Variants in MYO16 observed in about 807,000 individuals in gnomAD.
MYO16 encodes the protein unconventional myosin-XVI.
A neutral mutation model predicts 205.3 loss-of-function variants in MYO16; 94 were observed. The ratio of observed to expected loss-of-function variants is 0.46; its 90% CI spans 0.39 to 0.54. The LOEUF is 0.54. Ranked by LOEUF, MYO16 falls within the 20% of genes least tolerant of loss-of-function variation. MYO16 has a pLI of 0.00. For synonymous variants in MYO16, 988 were observed against 954.0 expected, an observed-to-expected ratio of 1.04 and a Z score of -0.66; for missense variants, 2,315 against 2,387.5, an observed-to-expected ratio of 0.97 and a Z score of 0.63.
intron 16 of MYO16, among the ~76,000 whole-genome samples, chr13:108,911,066 C>CACACACACACAGAGAG (rs59417999): frequency 2.1e-5 from 3 of 143,022 alleles, no homozygotes; most frequent in African/African-American, 5.3e-5. Flanking sequence ...CACACACACA[C>CACACACACACAGAGAG]AGAGAGAGAG....
intron 4 of MYO16, among the ~76,000 whole-genome samples, chr13:108,777,136 C>T (rs1330612301): frequency 6.6e-6 from 1 of 151,984 alleles, no homozygotes; most frequent in African/African-American, 2.4e-5. Context: ...GGCATAAAAC[C>T]CTTAAGAATT....
At chr13:108,995,752 C>T (rs1884981379) in intron 21 of MYO16, among the ~76,000 whole-genome samples, 1 of 152,122 alleles carries the variant, frequency 6.6e-6, no homozygotes, top group African/African-American at 2.4e-5. Flanking sequence ...ATCCATGTCC[C>T]TACAAAGGAC....
At chr13:108,760,575 C>T (rs140652614) in intron 4 of MYO16, among the ~76,000 whole-genome samples, 2 of 152,032 alleles carry the variant, frequency 1.3e-5, no homozygotes, top group Admixed American at 1.3e-4. Context: ...TCATTTCCAC[C>T]TGACATATAA....
chr13:109,187,478 T>C (rs1363335419), intron 34 of MYO16, among the ~76,000 whole-genome samples: 3 of 152,230 alleles, frequency 2.0e-5, no homozygotes, highest in Admixed American at 2.0e-4. Context: ...TTGAAGTGTT[T>C]CTTTTCTTCC....
At chr13:108,549,235 T>C in the MYO16 span, among the ~76,000 whole-genome samples, 2 of 152,348 alleles carry the variant, frequency 1.3e-5, no homozygotes, top group East Asian at 3.9e-4. Flanking sequence ...TTGGGTCATC[T>C]GGGTGATCCC....
intron 16 of MYO16, among the ~76,000 whole-genome samples, chr13:108,939,207 A>G (rs1882618770): frequency 6.6e-6 from 1 of 152,144 alleles, no homozygotes. Context: ...GGTCTGGGGA[A>G]TGTCTGAGTT....
At chr13:109,069,592 G>C (rs2391731) in intron 27 of MYO16, among the ~76,000 whole-genome samples, 151,960 of 152,080 alleles carry the variant, frequency 1, 75,920 homozygotes, top group Non-Finnish European at 1. Flanking sequence ...TTGTAGAGGG[G>C]CTCTACACTG....
Position 108,909,995 on chromosome 13 carries a change from C to T in MYO16, c.1778-8C>T, listed in dbSNP as rs1405045171. On this transcript the variant is annotated splice_region_variant and splice_polypyrimidine_tract_variant and intron_variant, in intron 15 of 34. Transcript: ENST00000457511. ...ATTTAACAGAATCACTTTTCTTTTCCCAACCAGCCAGAATTTATACATATT... is the reference window on the plus strand; with the variant it reads ...ATTTAACAGAATCACTTTTCTTTTCTCAACCAGCCAGAATTTATACATATT... 6.2e-7 allele frequency: 1 copy of T among 1,606,278 alleles called. No individual in the cohort carries two copies. Among genetic ancestry groups the T allele is most frequent in the African/African-American group, 1.3e-5 (1 of 74,458 alleles).
At chr13:108,565,970 A>T in the MYO16 span, among the ~76,000 whole-genome samples, 1 of 150,868 alleles carries the variant, frequency 6.6e-6, no homozygotes, top group Non-Finnish European at 1.5e-5. Flanking sequence ...AATATTTGTC[A>T]GAGATATTGG....
At chr13:108,816,563 T>C (rs1875625703) in intron 7 of MYO16, among the ~76,000 whole-genome samples, 1 of 152,216 alleles carries the variant, frequency 6.6e-6, no homozygotes, top group Non-Finnish European at 1.5e-5. Flanking sequence ...ACACGATCCA[T>C]AAGCATGAGT....
intron 1 of MYO16, among the ~76,000 whole-genome samples, chr13:108,651,897 A>G (rs771466722): frequency 6.6e-6 from 1 of 152,176 alleles, no homozygotes; most frequent in Non-Finnish European, 1.5e-5. Context: ...CTGCAGCTTG[A>G]TTACAAGGAT....
intron 16 of MYO16, 78 bp downstream of exon 16, chr13:108,910,228 C>T: frequency 1.4e-6 from 2 of 1,445,938 alleles, no homozygotes; most frequent in Non-Finnish European, 1.9e-6. Context: ...AAATTATCTT[C>T]TTACTTTTCA....
chr13:108,784,530 T>C (rs1210671047), intron 4 of MYO16, among the ~76,000 whole-genome samples: 1 of 152,160 alleles, frequency 6.6e-6, no homozygotes, highest in Non-Finnish European at 1.5e-5. Flanking sequence ...AATAATATAT[T>C]TAGAGCCGTT....
chr13:108,556,831 A>ATT, the MYO16 span, among the ~76,000 whole-genome samples: 1,564 of 152,260 alleles, frequency 0.01, 25 homozygotes, highest in African/African-American at 0.036. Flanking sequence ...TGGTAAAGAT[A>ATT]TAGCTTCATT....
At chr13:109,038,961 G>C (rs1289788838) in intron 23 of MYO16, among the ~76,000 whole-genome samples, 3 of 152,092 alleles carry the variant, frequency 2.0e-5, no homozygotes, top group Admixed American at 6.5e-5. Flanking sequence ...TTCCAGCACT[G>C]TGCAGAGATA....
rs114177397 is a variant in MYO16, at chr13:108,700,427, T to C, written c.293-12234T>C. ...CGGCAAGAGCAGTGTTTTGTGGTCC[T>C]TTGACGATTGTAGCCACATCCTCTC... On this transcript the variant is annotated intron_variant, in intron 2 of 34. Coordinates refer to ENST00000457511, the MANE Select transcript of MYO16 (RefSeq NM_001198950.3). 2.6e-3 allele frequency among the ~76,000 whole-genome samples: 397 copies of C among 152,066 alleles called. 2 individuals are homozygous for C. Among genetic ancestry groups the C allele is most frequent in the African/African-American group, 9.3e-3 (387 of 41,474 alleles).
intron 21 of MYO16, among the ~76,000 whole-genome samples, chr13:109,007,132 T>C (rs1219230581): frequency 6.6e-6 from 1 of 152,192 alleles, no homozygotes; most frequent in Non-Finnish European, 1.5e-5. Context: ...CTCATGCCTG[T>C]AATCCCAGCA....
At chr13:108,955,679 C>T (rs370507398) in intron 16 of MYO16, among the ~76,000 whole-genome samples, 3 of 152,102 alleles carry the variant, frequency 2.0e-5, no homozygotes, top group East Asian at 1.9e-4. Context: ...GGTGAAAACT[C>T]GTCTCTACTA....
At chr13:108,496,318 G>A in the MYO16 span, among the ~76,000 whole-genome samples, 1 of 152,362 alleles carries the variant, frequency 6.6e-6, no homozygotes, top group African/African-American at 2.4e-5. Context: ...GGGGGAAGCG[G>A]CGTGGTCACC....
Sources: gnomAD v4.1 joint callset for allele counts (sites outside exome capture counted in the v4.1 genomes callset) on GRCh38, gnomAD v4.1.1 for gene constraint, MANE v1.5 for transcripts, NCBI Gene and HGNC (gene_info 2026-07-23, HGNC 2026-07-21) for gene names.